PXDNL: variants seen among roughly 807,000 people sequenced by gnomAD.
PXDNL encodes peroxidasin like, also known as probable oxidoreductase PXDNL.
A neutral mutation model predicts 150.8 loss-of-function variants in PXDNL; 145 were observed. The observed-to-expected ratio is 0.96, with a 90% confidence interval of 0.84 to 1.10. PXDNL has a LOEUF of 1.10. PXDNL is among the 50% of genes least tolerant of loss of function. The pLI, the probability that PXDNL is intolerant of heterozygous loss-of-function variation, is 0.00. For synonymous variants in PXDNL, 757 were observed against 725.7 expected (o/e 1.04, Z -0.69); for missense variants, 2,087 against 1,873.9 (o/e 1.11, Z -2.10).
chr8:51,388,652 G>T (rs757477988), intron 17 of PXDNL, among the ~76,000 whole-genome samples: 4 of 151,934 alleles, frequency 2.6e-5, no homozygotes, highest in Non-Finnish European at 5.9e-5. Context: ...TTCAAACTGG[G>T]TCTCTCTCTC....
intron 17 of PXDNL, among the ~76,000 whole-genome samples, chr8:51,398,271 C>T (rs1410239910): frequency 2.0e-5 from 3 of 152,152 alleles, no homozygotes; most frequent in Non-Finnish European, 2.9e-5. Flanking sequence ...CAGCTGCACT[C>T]GAGGCTGCCA....
chr8:51,526,738 C>G (rs1811778557), intron 4 of PXDNL, among the ~76,000 whole-genome samples: 1 of 152,180 alleles, frequency 6.6e-6, no homozygotes, highest in Non-Finnish European at 1.5e-5. Context: ...GATGCTGTTG[C>G]TAATAATGAC....
chr8:51,751,633 T>G (rs986631272), intron 1 of PXDNL, among the ~76,000 whole-genome samples: 1 of 152,114 alleles, frequency 6.6e-6, no homozygotes, highest in African/African-American at 2.4e-5. Context: ...AAAAACTAAG[T>G]CCTCCAAGCA....
At chr8:51,648,202 G>A (rs1293360423) in intron 2 of PXDNL, among the ~76,000 whole-genome samples, 1 of 152,164 alleles carries the variant, frequency 6.6e-6, no homozygotes, top group Non-Finnish European at 1.5e-5. Flanking sequence ...TTCTGTAGTA[G>A]GCTGAATAAT....
At chr8:51,490,335 C>A (rs1359502347) in intron 5 of PXDNL, among the ~76,000 whole-genome samples, 1 of 151,980 alleles carries the variant, frequency 6.6e-6, no homozygotes, top group African/African-American at 2.4e-5. Flanking sequence ...ATATATACTT[C>A]TAATTGTTCA....
At chr8:51,535,575 C>A (rs565292028) in intron 4 of PXDNL, among the ~76,000 whole-genome samples, 1,966 of 129,776 alleles carry the variant, frequency 0.015, 62 homozygotes, top group African/African-American at 0.06. Flanking sequence ...GGGACACAAA[C>A]ACTGCGGAAG....
intron 17 of PXDNL, among the ~76,000 whole-genome samples, chr8:51,405,094 C>A (rs1808399025): frequency 6.6e-6 from 1 of 152,214 alleles, no homozygotes; most frequent in African/African-American, 2.4e-5. Flanking sequence ...CGGCCAGCCA[C>A]TGGGAGTGCG....
chr8:51,621,552 T>C (rs1814254280), intron 2 of PXDNL, among the ~76,000 whole-genome samples: 1 of 151,928 alleles, frequency 6.6e-6, no homozygotes, highest in Admixed American at 6.6e-5. Context: ...GACGGGATTC[T>C]AAGATGCCAG....
chr8:51,766,351 C>G (rs1304994302), intron 1 of PXDNL, among the ~76,000 whole-genome samples: 1 of 152,116 alleles, frequency 6.6e-6, no homozygotes, highest in Non-Finnish European at 1.5e-5. Flanking sequence ...ATTATTTTAT[C>G]CAGTTTTCTT....
chr8:51,517,408 CAA>C (rs943459238), intron 4 of PXDNL, among the ~76,000 whole-genome samples: 3 of 150,306 alleles, frequency 2.0e-5, no homozygotes, highest in Admixed American at 6.6e-5. Context: ...TTACTGTACT[CAA>C]GTTTAAAACC....
chr8:51,560,550 A>G (rs923728444), intron 3 of PXDNL, among the ~76,000 whole-genome samples: 6 of 151,992 alleles, frequency 3.9e-5, no homozygotes, highest in African/African-American at 1.4e-4. Context: ...AGAATACACA[A>G]TGAGGAAAGG....
intron 1 of PXDNL, among the ~76,000 whole-genome samples, chr8:51,750,893 G>A (rs1369538531): frequency 2.0e-5 from 3 of 152,154 alleles, no homozygotes; most frequent in Admixed American, 1.3e-4. Context: ...GGAGAAGGGG[G>A]GATGGTTGTA....
intron 4 of PXDNL, among the ~76,000 whole-genome samples, chr8:51,528,678 T>C (rs758129994): frequency 1.3e-5 from 2 of 152,128 alleles, no homozygotes; most frequent in Non-Finnish European, 2.9e-5. Flanking sequence ...GAAGAGCCCA[T>C]CAGGGAGATG....
At chr8:51,445,073 C>T (rs1036340725) in intron 12 of PXDNL, among the ~76,000 whole-genome samples, 7 of 151,942 alleles carry the variant, frequency 4.6e-5, no homozygotes, top group African/African-American at 7.3e-5. Flanking sequence ...GCACATGCCA[C>T]CATGCCTGGC....
chr8:51,636,529 G>A (rs868024975), intron 2 of PXDNL, among the ~76,000 whole-genome samples: 3 of 152,198 alleles, frequency 2.0e-5, no homozygotes, highest in Middle Eastern at 3.4e-3. Context: ...GCAAAAATCT[G>A]CTGTGTTCTG....
chr8:51,396,031 G>A (rs553619562), intron 17 of PXDNL, among the ~76,000 whole-genome samples: 1 of 152,278 alleles, frequency 6.6e-6, no homozygotes, highest in East Asian at 1.9e-4. Context: ...CTTGCTACAG[G>A]TACTGACACT....
At chr8:51,446,923 A>C (rs1439273698) in intron 12 of PXDNL, 81 bp downstream of exon 12, 1 of 1,225,128 alleles carries the variant, frequency 8.2e-7, no homozygotes, top group Non-Finnish European at 1.2e-6. Flanking sequence ...CATATATGTC[A>C]TAAGATCCCT....
At chr8:51,445,248 C>A (rs746931722) in intron 12 of PXDNL, among the ~76,000 whole-genome samples, 1 of 152,016 alleles carries the variant, frequency 6.6e-6, no homozygotes, top group Non-Finnish European at 1.5e-5. Context: ...TCTGAATAAT[C>A]GATCTGATCA....
At chr8:51,326,908 A>G (rs893273530) in intron 21 of PXDNL, among the ~76,000 whole-genome samples, 25 of 152,314 alleles carry the variant, frequency 1.6e-4, no homozygotes, top group African/African-American at 6.0e-4. Context: ...GTCAGAGTAG[A>G]GTGAGCCCCT....
Sources: gnomAD v4.1 joint callset for allele counts (sites outside exome capture counted in the v4.1 genomes callset) on GRCh38, gnomAD v4.1.1 for gene constraint, MANE v1.5 for transcripts, NCBI Gene and HGNC (gene_info 2026-07-23, HGNC 2026-07-21) for gene names.